Variants in EXT1 observed in about 807,000 individuals in gnomAD.
EXT1 encodes the protein exostosin-1.
In EXT1, 20 loss-of-function variants were observed where a neutral mutation model predicts 82.5. That is an observed-to-expected ratio of 0.24 (90% CI 0.17 to 0.35). EXT1 has a LOEUF of 0.35. Ranked by LOEUF, EXT1 falls within the 10% of genes least tolerant of loss-of-function variation. The probability of loss-of-function intolerance (pLI) is 1.00; values close to 1 mark genes in which losing one functional copy is unlikely to be tolerated. For missense variants in EXT1, 757 were observed against 936.5 expected, an observed-to-expected ratio of 0.81 and a Z score of 2.50; for synonymous variants, 348 against 350.8, an observed-to-expected ratio of 0.99 and a Z score of 0.09.
intron 1 of EXT1, among the ~76,000 whole-genome samples, chr8:118,009,268 T>C (rs1586340544): frequency 6.6e-6 from 1 of 152,158 alleles, no homozygotes; most frequent in African/African-American, 2.4e-5. Flanking sequence ...GCAATGTGTC[T>C]AGGAAAGGCC....
At position 117,880,283 on chromosome 8, in the gene EXT1, C is replaced by G. The variant is rs150740171; in HGVS notation, c.963-43082G>C. Reference sequence around the variant, plus strand: ...CAACAAATGGTCAATTCACCAAAGACAGCGTGCTGAATGACCAATTTTCTA... The same window carrying G: ...CAACAAATGGTCAATTCACCAAAGAGAGCGTGCTGAATGACCAATTTTCTA... On this transcript the variant is annotated intron_variant, in intron 1 of 10. Coordinates refer to ENST00000378204, the MANE Select transcript of EXT1 (RefSeq NM_000127.3). Among the ~76,000 whole-genome samples the G allele has an allele frequency of 1.9e-3, 289 of 152,324 alleles. 4 individuals carry two copies. The highest frequency in any genetic ancestry group is 6.8e-3 in the African/African-American group (282 of 41,574).
intron 1 of EXT1, among the ~76,000 whole-genome samples, chr8:117,901,072 T>C (rs1004638273): frequency 6.6e-6 from 1 of 152,178 alleles, no homozygotes; most frequent in African/African-American, 2.4e-5. Context: ...ATCTAGAGTA[T>C]CAAATCCATC....
chr8:117,981,769 T>G (rs1354094294), intron 1 of EXT1, among the ~76,000 whole-genome samples: 2 of 150,020 alleles, frequency 1.3e-5, no homozygotes, highest in African/African-American at 4.9e-5. Flanking sequence ...TCCCAGCTAC[T>G]CAGAAGGCTG....
At chr8:118,098,735 G>A (rs1817664520) in intron 1 of EXT1, among the ~76,000 whole-genome samples, 1 of 142,770 alleles carries the variant, frequency 7.0e-6, no homozygotes, top group African/African-American at 2.6e-5. Flanking sequence ...CCCCAGCCTG[G>A]ACAATAGAGC....
intron 1 of EXT1, among the ~76,000 whole-genome samples, chr8:118,095,559 A>C (rs1334608180): frequency 6.6e-6 from 1 of 152,214 alleles, no homozygotes; most frequent in Non-Finnish European, 1.5e-5. Flanking sequence ...CACATGTAGC[A>C]TATAAGAAAT....
intron 1 of EXT1, among the ~76,000 whole-genome samples, chr8:117,998,013 T>C (rs1815583404): frequency 8.1e-6 from 1 of 123,758 alleles, no homozygotes; most frequent in Admixed American, 1.1e-4. Context: ...CATTTTATTT[T>C]ACTTTTTTTT....
intron 1 of EXT1, among the ~76,000 whole-genome samples, chr8:117,893,398 A>G (rs10110572): frequency 0.48 from 73,425 of 152,090 alleles, 18,827 homozygotes; most frequent in Middle Eastern, 0.64. Context: ...TGTTAATACC[A>G]CAGGGTTGGA....
intron 1 of EXT1, among the ~76,000 whole-genome samples, chr8:118,076,652 G>A (rs1316963027): frequency 6.6e-6 from 1 of 152,194 alleles, no homozygotes; most frequent in Non-Finnish European, 1.5e-5. Context: ...CACTGTCAGT[G>A]CTCACAATAG....
At chr8:117,941,074 C>CT (rs1434618674) in intron 1 of EXT1, among the ~76,000 whole-genome samples, 1 of 152,178 alleles carries the variant, frequency 6.6e-6, no homozygotes, top group Non-Finnish European at 1.5e-5. Context: ...TCTCACATTC[C>CT]TTTACTGGCT....
At chr8:117,852,220 C>A (rs768687704) in intron 1 of EXT1, among the ~76,000 whole-genome samples, 2 of 152,154 alleles carry the variant, frequency 1.3e-5, no homozygotes, top group East Asian at 3.9e-4. Context: ...CACAATTGCA[C>A]GTTGCCTCCT....
In EXT1 at chr8:117,995,003, A is replaced by G. The variant is rs1223707267; in HGVS notation, c.962+115082T>C. Among the ~76,000 whole-genome samples the G allele has an allele frequency of 2.0e-5, 3 of 152,328 alleles. 1 individual carries two copies. The South Asian group carries it at 6.2e-4, about 32-fold the overall frequency. On this transcript the variant is annotated intron_variant, in intron 1 of 10. Coordinates refer to ENST00000378204, the MANE Select transcript of EXT1 (RefSeq NM_000127.3). Reference sequence around the variant, plus strand: ...AAATGCTATATAGAAGATAGGGACAAATGGCCTAAGATCTGTGTCCAGAGT... The same window carrying G: ...AAATGCTATATAGAAGATAGGGACAGATGGCCTAAGATCTGTGTCCAGAGT...
intron 1 of EXT1, among the ~76,000 whole-genome samples, chr8:117,939,042 C>T (rs1489560428): frequency 6.6e-6 from 1 of 151,972 alleles, no homozygotes; most frequent in African/African-American, 2.4e-5. Context: ...ATTTTTCAAG[C>T]TGTTTTTTTT....
intron 1 of EXT1, among the ~76,000 whole-genome samples, chr8:117,959,340 T>C (rs2129713354): frequency 6.6e-6 from 1 of 152,310 alleles, no homozygotes; most frequent in South Asian, 2.1e-4. Flanking sequence ...TGGCCTCACC[T>C]CTGTCCATCA....
chr8:117,916,516 T>C (rs1204880001), intron 1 of EXT1, among the ~76,000 whole-genome samples: 2 of 152,120 alleles, frequency 1.3e-5, no homozygotes, highest in Non-Finnish European at 2.9e-5. Flanking sequence ...TAGCAACATA[T>C]ACGTAATGAG....
chr8:118,021,475 CT>C (rs1156980804), intron 1 of EXT1, among the ~76,000 whole-genome samples: 1 of 152,188 alleles, frequency 6.6e-6, no homozygotes, highest in East Asian at 1.9e-4. Context: ...TAAAACTCTT[CT>C]GCAGAAGTTC....
chr8:117,954,386 G>GC lies in EXT1; in HGVS notation c.963-117186dup, dbSNP rs542576895. On this transcript the variant is annotated intron_variant, in intron 1 of 10. Coordinates refer to ENST00000378204, the MANE Select transcript of EXT1 (RefSeq NM_000127.3). ...CTGATGTGATGTCTACAGCTGTCTT[G>GC]CCCCCATAAGATGTCCATTTGTGAC... 3.3e-5 allele frequency among the ~76,000 whole-genome samples: 5 copies of GC among 152,254 alleles called. No individual in the cohort carries two copies. In the South Asian group the frequency reaches 1.0e-3, roughly 32 times the overall value.
At chr8:117,875,420 CTAAATAAA>C (rs67268592) in intron 1 of EXT1, among the ~76,000 whole-genome samples, 52,913 of 139,064 alleles carry the variant, frequency 0.38, 10,816 homozygotes, top group African/African-American at 0.55. Flanking sequence ...AACTACCTCT[CTAAATAAA>C]TAAATAAATA....
At chr8:117,846,637 G>A (rs1812366765) in intron 1 of EXT1, among the ~76,000 whole-genome samples, 1 of 152,190 alleles carries the variant, frequency 6.6e-6, no homozygotes, top group Non-Finnish European at 1.5e-5. Context: ...AATGGGTCCA[G>A]AAGAGTCACA....
chr8:118,037,836 G>GTTTTTTTTTTTTTTT (rs58862041), intron 1 of EXT1, among the ~76,000 whole-genome samples: 1 of 107,436 alleles, frequency 9.3e-6, no homozygotes, highest in African/African-American at 4.2e-5. Flanking sequence ...AGTGTTTTTT[G>GTTTTTTTTTTTTTTT]TTTTTTTTTT....
Sources: gnomAD v4.1 joint callset for allele counts (sites outside exome capture counted in the v4.1 genomes callset) on GRCh38, gnomAD v4.1.1 for gene constraint, MANE v1.5 for transcripts, NCBI Gene and HGNC (gene_info 2026-07-23, HGNC 2026-07-21) for gene names.